Variants in SLC2A13 observed in about 807,000 individuals in gnomAD.
The protein encoded by SLC2A13 is proton myo-inositol cotransporter.
SLC2A13 carries 32 observed loss-of-function variants against 64.4 expected under a neutral mutation model. The ratio of observed to expected loss-of-function variants is 0.50; its 90% CI spans 0.37 to 0.67. The LOEUF (loss-of-function observed/expected upper bound fraction) is 0.67, where lower values mean the gene tolerates loss of function less well. SLC2A13 is among the 30% of genes least tolerant of loss of function. The pLI, the probability that SLC2A13 is intolerant of heterozygous loss-of-function variation, is 0.00. For synonymous variants in SLC2A13, 338 were observed against 327.1 expected, an observed-to-expected ratio of 1.03 and a Z score of -0.36; for missense variants, 743 against 829.2, an observed-to-expected ratio of 0.90 and a Z score of 1.28.
intron 7 of SLC2A13, among the ~76,000 whole-genome samples, chr12:39,771,453 C>T (rs932746290): frequency 2.0e-5 from 3 of 152,166 alleles, no homozygotes; most frequent in African/African-American, 7.2e-5. Flanking sequence ...CTCTGTCCAA[C>T]AGCAAGCAAG....
intron 4 of SLC2A13, among the ~76,000 whole-genome samples, chr12:39,885,087 T>C (rs1315366842): frequency 6.6e-6 from 1 of 152,174 alleles, no homozygotes; most frequent in Non-Finnish European, 1.5e-5. Context: ...CATTTAAGAG[T>C]TGCCTTTCAG....
chr12:39,787,232 C>A (rs1205514825), intron 7 of SLC2A13, among the ~76,000 whole-genome samples: 1 of 152,160 alleles, frequency 6.6e-6, no homozygotes, highest in African/African-American at 2.4e-5. Context: ...TACCTTCCAC[C>A]AGTGGCCTCC....
chr12:39,977,366 T>C (rs925760678), intron 3 of SLC2A13, among the ~76,000 whole-genome samples: 4 of 152,224 alleles, frequency 2.6e-5, no homozygotes, highest in Admixed American at 1.3e-4. Flanking sequence ...CTTTCAGCCA[T>C]TGAATTAGCA....
In SLC2A13 at chr12:39,758,290, G is replaced by GACTT. The variant is rs1005631395; in HGVS notation, c.*1732_*1735dup. 3 of 151,878 alleles carry GACTT rather than the reference G, an allele frequency of 2.0e-5. No individual in the cohort carries two copies. 9.4% of individuals were successfully genotyped at this position (151,878 alleles called of 1,614,324 possible). A position where few individuals can be genotyped will look rare whatever the true frequency, so the allele number is the denominator to read the frequency against. The stretch of plus-strand genomic sequence containing the variant: ...TTTAAGCACATATTATACCTCTGGT[G>GACTT]ACTTAGAGAATGAACTTCCTCAGCT... On this transcript the variant is annotated 3_prime_UTR_variant, in exon 10 of 10. Transcript: ENST00000280871.
At chr12:39,835,148 G>A (rs1210305816) in intron 6 of SLC2A13, among the ~76,000 whole-genome samples, 1 of 151,990 alleles carries the variant, frequency 6.6e-6, no homozygotes, top group Non-Finnish European at 1.5e-5. Context: ...GGTCTATTTT[G>A]GTGAAAAGCA....
chr12:39,854,107 A>G (rs1379729426), intron 6 of SLC2A13, among the ~76,000 whole-genome samples: 1 of 152,074 alleles, frequency 6.6e-6, no homozygotes, highest in Non-Finnish European at 1.5e-5. Context: ...TAAGCAAAAA[A>G]AAAAATAAAG....
chr12:39,902,175 C>T (rs1365402084), intron 4 of SLC2A13, among the ~76,000 whole-genome samples: 1 of 132,198 alleles, frequency 7.6e-6, no homozygotes, highest in East Asian at 2.3e-4. Flanking sequence ...GAGAACATCA[C>T]ACTCTGGGGA....
chr12:39,890,975 G>C (rs2135979764), intron 4 of SLC2A13, among the ~76,000 whole-genome samples: 1 of 151,972 alleles, frequency 6.6e-6, no homozygotes, highest in South Asian at 2.1e-4. Flanking sequence ...TGTCATCTCT[G>C]GGGTAAGATT....
chr12:39,902,414 ACTTGAAATGTG>A (rs1247603230), intron 4 of SLC2A13, among the ~76,000 whole-genome samples: 1 of 152,084 alleles, frequency 6.6e-6, no homozygotes, highest in Non-Finnish European at 1.5e-5. Flanking sequence ...CTATTTTTAA[ACTTGAAATGTG>A]TCTTCTCTCC....
chr12:39,945,620 T>C (rs1404003930), intron 4 of SLC2A13, among the ~76,000 whole-genome samples: 2 of 152,138 alleles, frequency 1.3e-5, no homozygotes, highest in Non-Finnish European at 2.9e-5. Flanking sequence ...TGAATTTCTT[T>C]CTTCTACTTG....
At chr12:40,036,640 A>T (rs1184119325) in intron 2 of SLC2A13, among the ~76,000 whole-genome samples, 1 of 152,170 alleles carries the variant, frequency 6.6e-6, no homozygotes, top group East Asian at 1.9e-4. Context: ...TATGTCACTG[A>T]TTCATTTATC....
chr12:39,761,365 G>C (rs978285563), intron 9 of SLC2A13, among the ~76,000 whole-genome samples: 8 of 151,992 alleles, frequency 5.3e-5, no homozygotes, highest in African/African-American at 9.7e-5. Context: ...TTGAGAGAGA[G>C]ACTTGATCTG....
chr12:40,025,642 T>C (rs920297484), intron 3 of SLC2A13, among the ~76,000 whole-genome samples: 3 of 152,216 alleles, frequency 2.0e-5, no homozygotes, highest in African/African-American at 7.2e-5. Context: ...CTTTCTAAAT[T>C]CCTGGAATAT....
chr12:39,902,745 G>T (rs1416695191), intron 4 of SLC2A13, among the ~76,000 whole-genome samples: 2 of 151,998 alleles, frequency 1.3e-5, no homozygotes, highest in African/African-American at 4.8e-5. Flanking sequence ...ATTAAAAAAA[G>T]ATATAATGGG....
At chr12:39,776,378 C>T (rs1390867282) in intron 7 of SLC2A13, among the ~76,000 whole-genome samples, 2 of 152,228 alleles carry the variant, frequency 1.3e-5, no homozygotes, top group Non-Finnish European at 2.9e-5. Flanking sequence ...AACCTGCCTG[C>T]CTGGCCATAA....
At chr12:39,812,384 TTC>T (rs1555239899) in intron 7 of SLC2A13, among the ~76,000 whole-genome samples, 5 of 124,450 alleles carry the variant, frequency 4.0e-5, no homozygotes, top group Non-Finnish European at 5.7e-5. Context: ...TTTCTTTTCT[TTC>T]TTTCTCTCTC....
At chr12:40,057,840 C>T (rs1948355812) in intron 1 of SLC2A13, among the ~76,000 whole-genome samples, 1 of 152,076 alleles carries the variant, frequency 6.6e-6, no homozygotes, top group African/African-American at 2.4e-5. Context: ...ATAATGTCCA[C>T]CTTAATTACC....
At chr12:39,917,906 T>C (rs1323362848) in intron 4 of SLC2A13, among the ~76,000 whole-genome samples, 1 of 152,120 alleles carries the variant, frequency 6.6e-6, no homozygotes, top group Non-Finnish European at 1.5e-5. Context: ...ATTCAGTTTA[T>C]TATTTTCCTT....
At chr12:40,046,365 T>G (rs1948171144) in intron 2 of SLC2A13, among the ~76,000 whole-genome samples, 1 of 152,216 alleles carries the variant, frequency 6.6e-6, no homozygotes, top group Non-Finnish European at 1.5e-5. Flanking sequence ...GATCTTTCTC[T>G]TTCCTAACCA....
Sources: allele counts gnomAD v4.1 joint callset (sites outside exome capture counted in the v4.1 genomes callset), GRCh38; gene constraint gnomAD v4.1.1; transcripts MANE v1.5; gene names NCBI Gene and HGNC (gene_info 2026-07-23, HGNC 2026-07-21).